The following NKAIN3 variants were observed in gnomAD, a reference collection of about 807,000 sequenced individuals.
NKAIN3 encodes the protein sodium/potassium transporting ATPase interacting 3.
In NKAIN3, 25 loss-of-function variants were observed where a neutral mutation model predicts 30.2. That is an observed-to-expected ratio of 0.83 (90% CI 0.60 to 1.16). The LOEUF (loss-of-function observed/expected upper bound fraction) is 1.16. NKAIN3 is among the 50% of genes most tolerant of loss of function. NKAIN3 has a pLI of 0.00. For synonymous variants in NKAIN3, 91 were observed against 89.6 expected, an observed-to-expected ratio of 1.02 and a Z score of -0.09; for missense variants, 225 against 254.1, an observed-to-expected ratio of 0.89 and a Z score of 0.78.
chr8:62,897,471 C>T (rs949472575), intron 4 of NKAIN3, among the ~76,000 whole-genome samples: 1 of 152,060 alleles, frequency 6.6e-6, no homozygotes, highest in African/African-American at 2.4e-5. Flanking sequence ...CAGGACTTGA[C>T]ACTATCTAAA....
At chr8:62,802,269 C>A (rs1280642368) in intron 4 of NKAIN3, among the ~76,000 whole-genome samples, 1 of 152,062 alleles carries the variant, frequency 6.6e-6, no homozygotes, top group African/African-American at 2.4e-5. Context: ...ATACAGAGAA[C>A]GCCACAAAGA....
At position 62,883,050 on chromosome 8, in the gene NKAIN3, T is replaced by C. The variant is rs1586307502; in HGVS notation, c.472-35403T>C. Among the ~76,000 whole-genome samples the C allele has an allele frequency of 5.3e-5, 8 of 152,324 alleles. No homozygotes were observed. The South Asian group carries it at 1.7e-3, about 32-fold the overall frequency. On this transcript the variant is annotated intron_variant, in intron 4 of 6. Coordinates refer to ENST00000623646, the MANE Select transcript of NKAIN3 (RefSeq NM_001304533.3). ...ATAGTGTTGGCTATTCTAGGACGTA[T>C]TGCTCTCCATATAAACTGTAGATTT...
intron 1 of NKAIN3, among the ~76,000 whole-genome samples, chr8:62,354,799 A>G (rs1271381377): frequency 6.6e-6 from 1 of 152,108 alleles, no homozygotes; most frequent in African/African-American, 2.4e-5. Context: ...TGTATATCCA[A>G]TCCTTAAGCC....
In NKAIN3 at chr8:62,847,445, G is replaced by A. The variant is rs186694021; in HGVS notation, c.472-71008G>A. Among the ~76,000 whole-genome samples the A allele has an allele frequency of 9.9e-4, 150 of 152,226 alleles. 1 individual carries two copies. Among genetic ancestry groups the A allele is most frequent in the African/African-American group, 3.3e-3 (136 of 41,542 alleles). On this transcript the variant is annotated intron_variant, in intron 4 of 6. Transcript: ENST00000623646. ...TTTCTCTAATCATCAGTGATAGTGA[G>A]CTCTTTTTCATATGATTGTTGGCCA...
Position 62,908,979 on chromosome 8 carries a change from T to C in NKAIN3, c.472-9474T>C, listed in dbSNP as rs373320527. Among the ~76,000 whole-genome samples the C allele has an allele frequency of 2.6e-5, 4 of 152,312 alleles. No homozygotes were observed. The East Asian group carries it at 5.8e-4, about 22-fold the overall frequency. On this transcript the variant is annotated intron_variant, in intron 4 of 6. Coordinates refer to ENST00000623646, the MANE Select transcript of NKAIN3 (RefSeq NM_001304533.3). ...TTCTTCAAGCCCAGCAATCCTCTCA[T>C]TGAATGCCTCTCTTCTCTGAGTTCC...
chr8:62,960,488 G>A (rs1441438259), intron 6 of NKAIN3, among the ~76,000 whole-genome samples: 1 of 151,602 alleles, frequency 6.6e-6, no homozygotes, highest in Non-Finnish European at 1.5e-5. Flanking sequence ...CAGTGATGTG[G>A]AGATATAGTC....
At chr8:62,695,886 A>G (rs1247453100) in intron 3 of NKAIN3, among the ~76,000 whole-genome samples, 5 of 152,194 alleles carry the variant, frequency 3.3e-5, no homozygotes, top group African/African-American at 1.2e-4. Flanking sequence ...AGCATACAAT[A>G]GGAAAATTTT....
At chr8:62,741,082 C>A (rs1815852652) in intron 3 of NKAIN3, among the ~76,000 whole-genome samples, 1 of 149,830 alleles carries the variant, frequency 6.7e-6, no homozygotes, top group African/African-American at 2.4e-5. Flanking sequence ...TCCTTGTAAT[C>A]CAGTTTTTTA....
At chr8:62,850,258 G>C (rs1462217699) in intron 4 of NKAIN3, among the ~76,000 whole-genome samples, 1 of 152,118 alleles carries the variant, frequency 6.6e-6, no homozygotes, top group Non-Finnish European at 1.5e-5. Context: ...GTCTTATTTT[G>C]AGAAGTGTCT....
At chr8:62,729,040 C>CAAAAAAAAAAAAAAAAAAAAAAAAA (rs1317282077) in intron 3 of NKAIN3, among the ~76,000 whole-genome samples, 6 of 61,198 alleles carry the variant, frequency 9.8e-5, no homozygotes, top group African/African-American at 1.4e-4. Context: ...AAAAAAAAAA[C>CAAAAAAAAAAAAAAAAAAAAAAAAA]AAAAAAAAAA....
At chr8:62,585,418 GA>G (rs1810438611) in intron 2 of NKAIN3, among the ~76,000 whole-genome samples, 1 of 152,164 alleles carries the variant, frequency 6.6e-6, no homozygotes, top group South Asian at 2.1e-4. Context: ...CTTTACTCAT[GA>G]AAGTATTTTG....
chr8:62,686,757 T>C (rs937629343), intron 3 of NKAIN3, among the ~76,000 whole-genome samples: 1 of 152,184 alleles, frequency 6.6e-6, no homozygotes, highest in Non-Finnish European at 1.5e-5. Context: ...TCAATAACTA[T>C]ACTTTAATAA....
chr8:62,972,103 AT>A lies in NKAIN3; in HGVS notation c.*6698del. On this transcript the variant is annotated 3_prime_UTR_variant, in exon 7 of 7. Coordinates refer to ENST00000623646, the MANE Select transcript of NKAIN3 (RefSeq NM_001304533.3). Reference sequence around the variant, plus strand: ...TGGTAGGGCCTTCTCTTCTGAATTGATTGGTAGTGTTGTTATTTTCTTGTTA... The same window carrying A: ...TGGTAGGGCCTTCTCTTCTGAATTGATGGTAGTGTTGTTATTTTCTTGTTA... 6.6e-6 allele frequency among the ~76,000 whole-genome samples: 1 copy of A among 152,250 alleles called. No individual in the cohort carries two copies. The highest frequency in any genetic ancestry group is 1.5e-5 in the Non-Finnish European group (1 of 68,012).
At chr8:62,590,543 A>T (rs1304744394) in intron 3 of NKAIN3, among the ~76,000 whole-genome samples, 5 of 151,940 alleles carry the variant, frequency 3.3e-5, no homozygotes, top group African/African-American at 1.2e-4. Flanking sequence ...ACAGTATTAC[A>T]AAAAGTATAA....
At chr8:62,483,199 A>T (rs538921284) in intron 1 of NKAIN3, 1 of 152,396 alleles carries the variant, frequency 6.6e-6, no homozygotes, top group South Asian at 2.1e-4. Context: ...CTTTAATTAC[A>T]GTTTACTTGG....
intron 1 of NKAIN3, among the ~76,000 whole-genome samples, chr8:62,412,497 T>TTA: frequency 6.6e-6 from 1 of 152,134 alleles, no homozygotes; most frequent in East Asian, 1.9e-4. Flanking sequence ...AAGAAAATCT[T>TTA]TAAACAGACA....
intron 1 of NKAIN3, among the ~76,000 whole-genome samples, chr8:62,284,588 C>T (rs534062518): frequency 2.0e-5 from 3 of 152,122 alleles, no homozygotes; most frequent in Non-Finnish European, 4.4e-5. Flanking sequence ...CAAGATTGCG[C>T]CATTTCACTT....
chr8:62,718,718 T>C (rs1814985596), intron 3 of NKAIN3, among the ~76,000 whole-genome samples: 1 of 152,198 alleles, frequency 6.6e-6, no homozygotes, highest in African/African-American at 2.4e-5. Context: ...TTAACCATTT[T>C]CTTTGCTATA....
chr8:62,801,367 C>T (rs574473789), intron 4 of NKAIN3, among the ~76,000 whole-genome samples: 1 of 152,276 alleles, frequency 6.6e-6, no homozygotes, highest in East Asian at 1.9e-4. Flanking sequence ...GGAGGCACCC[C>T]CCGATAGGGG....
Sources: allele counts gnomAD v4.1 joint callset (sites outside exome capture counted in the v4.1 genomes callset), GRCh38; gene constraint gnomAD v4.1.1; transcripts MANE v1.5; gene names NCBI Gene and HGNC (gene_info 2026-07-23, HGNC 2026-07-21).